SYNPO2: variants seen among roughly 807,000 people sequenced by gnomAD.
SYNPO2 encodes the protein synaptopodin 2.
In SYNPO2, 56 loss-of-function variants were observed where a neutral mutation model predicts 85.0. The observed-to-expected ratio is 0.66, with a 90% CI of 0.53 to 0.82. The LOEUF (loss-of-function observed/expected upper bound fraction) is 0.82, where lower values mean the gene tolerates loss of function less well. Among genes scored for constraint, SYNPO2 ranks in the 40% least tolerant of loss-of-function variants. The pLI is 0.00. For synonymous variants in SYNPO2, 602 were observed against 591.1 expected (o/e 1.02, Z -0.27); for missense variants, 1,575 against 1,534.2 (o/e 1.03, Z -0.44).
intron 4 of SYNPO2, among the ~76,000 whole-genome samples, chr4:119,056,686 G>A (rs1739216329): frequency 1.3e-5 from 2 of 152,086 alleles, no homozygotes; most frequent in Admixed American, 6.5e-5. Context: ...GAAGCAAAAT[G>A]CAAATTAAAC....
intron 1 of SYNPO2, among the ~76,000 whole-genome samples, chr4:118,892,423 T>A: frequency 6.6e-6 from 1 of 152,160 alleles, no homozygotes; most frequent in East Asian, 1.9e-4. Context: ...CAAGAGATTA[T>A]AAACAGAAAC....
In SYNPO2 at chr4:118,930,751, C is replaced by CAAA. The variant is rs3051232; in HGVS notation, c.105+41627_105+41629dup. ...GGAACATAGGAAGACCCCATATCTA[C>CAAA]AAAAAAAAAAAAAAAAAAATTAGCC... On this transcript the variant is annotated intron_variant, in intron 1 of 4. Transcript: ENST00000307142. 3.9e-3 allele frequency among the ~76,000 whole-genome samples: 464 copies of CAAA among 119,978 alleles called. 4 individuals are homozygous for CAAA. The highest frequency in any genetic ancestry group is 0.01 in the East Asian group (42 of 4,166). 78.7% of individuals were successfully genotyped at this position (119,978 alleles called of 152,430 possible). A position where few individuals can be genotyped will look rare whatever the true frequency, so the allele number is the denominator to read the frequency against.
In SYNPO2 at chr4:118,953,083, C is replaced by T. The variant is rs145086336; in HGVS notation, c.105+63942C>T. 4.4e-3 allele frequency among the ~76,000 whole-genome samples: 667 copies of T among 152,272 alleles called. 5 individuals carry two copies. The highest frequency in any genetic ancestry group is 0.015 in the African/African-American group (627 of 41,556). On this transcript the variant is annotated intron_variant, in intron 1 of 4. Coordinates refer to ENST00000307142, the MANE Select transcript of SYNPO2 (RefSeq NM_133477.3). ...CAAGATTATAGTTCCCTCAATGTAA[C>T]TAACAGAAGTGACCTTGGAACTTCA...
intron 1 of SYNPO2, among the ~76,000 whole-genome samples, chr4:118,958,310 A>C (rs571795643): frequency 1.4e-3 from 213 of 152,302 alleles, no homozygotes; most frequent in African/African-American, 4.9e-3. Flanking sequence ...GCCTGAGGAA[A>C]GTGCAGATGA....
intron 4 of SYNPO2, chr4:119,036,949 G>C (rs746738309): frequency 5.7e-6 from 7 of 1,230,558 alleles, no homozygotes; most frequent in Non-Finnish European, 7.1e-6. Flanking sequence ...GAGAAAGCTA[G>C]ACTCCTACAG....
At chr4:118,931,389 C>A (rs1733929438) in intron 1 of SYNPO2, among the ~76,000 whole-genome samples, 1 of 152,070 alleles carries the variant, frequency 6.6e-6, no homozygotes, top group Admixed American at 6.6e-5. Context: ...AAACAATTCC[C>A]CAAATATCTA....
intron 1 of SYNPO2, among the ~76,000 whole-genome samples, chr4:118,957,482 C>A (rs1191330117): frequency 6.6e-6 from 1 of 152,066 alleles, no homozygotes; most frequent in African/African-American, 2.4e-5. Flanking sequence ...AGTCACGTAA[C>A]CTCTTCAGAC....
At chr4:119,053,473 T>C (rs1180857159) in intron 4 of SYNPO2, among the ~76,000 whole-genome samples, 1 of 152,250 alleles carries the variant, frequency 6.6e-6, no homozygotes, top group Non-Finnish European at 1.5e-5. Flanking sequence ...ATTTTGCTCA[T>C]TGAGCTGGTT....
rs200716056 is a variant in SYNPO2 at position 118,991,282 on chromosome 4, C to G, written c.106-32148C>G. Reference sequence around the variant, plus strand: ...CCTGCCTCAGCCTCCTGAGTAGCTGCGATTACAGGCACGCACCACCGCACC... The same window carrying G: ...CCTGCCTCAGCCTCCTGAGTAGCTGGGATTACAGGCACGCACCACCGCACC... On this transcript the variant is annotated intron_variant, in intron 1 of 4. Transcript: ENST00000307142. Among the ~76,000 whole-genome samples, 55 of 151,978 alleles carry G rather than the reference C, an allele frequency of 3.6e-4. 2 individuals carry two copies. The East Asian group carries it at 9.9e-3, about 27-fold the overall frequency.
In SYNPO2 at chr4:119,031,044, C is replaced by A. The variant is rs1738227583; in HGVS notation, c.2269C>A (p.Pro757Thr). 1 of 1,614,006 alleles carries A rather than the reference C, an allele frequency of 6.2e-7. No individual in the cohort carries two copies. Among genetic ancestry groups the A allele is most frequent in the African/African-American group, 1.3e-5 (1 of 74,892 alleles). ...CTCCTCTGCCAAACAAAAGACCCCTCCTCCTGTTGCTCCAAAACCTGCAGT... is the reference window on the plus strand; with the variant it reads ...CTCCTCTGCCAAACAAAAGACCCCTACTCCTGTTGCTCCAAAACCTGCAGT... ...QSSSAKQKTP[P>T]PVAPKPAVKS... Residue 757 changes from proline (P) to threonine (T), a missense_variant, in exon 4 of 5, where the codon CCT becomes ACT. Coordinates refer to ENST00000307142, the MANE Select transcript of SYNPO2 (RefSeq NM_133477.3).
chr4:119,027,423 C>T lies in SYNPO2; in HGVS notation c.1054C>T (p.Arg352Ter), dbSNP rs192473578. The change falls in exon 3 of 5, where the codon CGA becomes TGA. Residue 352 changes from arginine (R) to a stop codon, truncating the protein, a stop_gained. Transcript: ENST00000307142. LOFTEE classifies it high-confidence loss of function. ...EKDHSRPHKH[R>*]ARHARLRRSE... ...AGATCACAGCAGACCTCACAAGCACCGAGCGCGGCATGCACGTAAGTTCTG... is the reference window on the plus strand; with the variant it reads ...AGATCACAGCAGACCTCACAAGCACTGAGCGCGGCATGCACGTAAGTTCTG... 1.9e-6 allele frequency: 3 copies of T among 1,597,160 alleles called. No homozygotes were observed. The highest frequency in any genetic ancestry group is 2.3e-5 in the East Asian group (1 of 44,428).
intron 1 of SYNPO2, among the ~76,000 whole-genome samples, chr4:119,002,396 G>A (rs1736852997): frequency 6.6e-6 from 1 of 152,086 alleles, no homozygotes; most frequent in South Asian, 2.1e-4. Context: ...AAGTAGTTGG[G>A]ACTACAGGTG....
chr4:119,012,375 C>CT (rs10651853), intron 1 of SYNPO2, among the ~76,000 whole-genome samples: 23,620 of 109,854 alleles, frequency 0.22, 2,004 homozygotes, highest in East Asian at 0.36. Flanking sequence ...TCCCCCTTTT[C>CT]TTTTTTTTTT....
intron 4 of SYNPO2, among the ~76,000 whole-genome samples, chr4:119,048,230 A>C (rs1738929495): frequency 6.6e-6 from 1 of 152,142 alleles, no homozygotes; most frequent in African/African-American, 2.4e-5. Context: ...GGTGGTGGGG[A>C]TAGTTCTGTT....
intron 1 of SYNPO2, among the ~76,000 whole-genome samples, chr4:118,982,344 G>A (rs990581374): frequency 3.9e-5 from 6 of 152,176 alleles, no homozygotes; most frequent in Non-Finnish European, 8.8e-5. Flanking sequence ...ACAAAATCAT[G>A]AGTATGTTTG....
intron 4 of SYNPO2, among the ~76,000 whole-genome samples, chr4:119,039,071 C>A (rs1188099500): frequency 5.9e-5 from 9 of 152,126 alleles, no homozygotes; most frequent in Non-Finnish European, 1.2e-4. Flanking sequence ...GCTTTATTGA[C>A]TTAATTTAAA....
Position 119,031,547 on chromosome 4 carries a change from C to T in SYNPO2, c.2772C>T (p.Ala924=), listed in dbSNP as rs375464411. The T allele has an allele frequency of 1.5e-5, 25 of 1,614,026 alleles. No individual in the cohort carries two copies. The highest frequency in any genetic ancestry group is 2.1e-5 in the Non-Finnish European group (25 of 1,180,034). Reference sequence around the variant, plus strand: ...ATGTCCGAGCACCTCCTCCTGTGGCCTATAATCCTATCCACTCGCCGTCTT... The same window carrying T: ...ATGTCCGAGCACCTCCTCCTGTGGCTTATAATCCTATCCACTCGCCGTCTT... ...SSNVRAPPPV[A]YNPIHSPSYP... is the part of the protein sequence containing the mutation. Residue 924 remains alanine, a synonymous_variant, in exon 4 of 5, where the codon GCC becomes GCT. Transcript: ENST00000307142.
intron 1 of SYNPO2, among the ~76,000 whole-genome samples, chr4:118,944,950 C>T (rs928789204): frequency 6.6e-6 from 1 of 152,156 alleles, no homozygotes; most frequent in African/African-American, 2.4e-5. Context: ...GACATCCTAC[C>T]TTACCACTGA....
At chr4:118,986,546 T>A (rs554788585) in intron 1 of SYNPO2, among the ~76,000 whole-genome samples, 1 of 152,156 alleles carries the variant, frequency 6.6e-6, no homozygotes, top group Non-Finnish European at 1.5e-5. Flanking sequence ...ATACCAAAGG[T>A]ATCTATGAGA....
Sources: allele counts gnomAD v4.1 joint callset (sites outside exome capture counted in the v4.1 genomes callset), GRCh38; gene constraint gnomAD v4.1.1; transcripts MANE v1.5; gene names NCBI Gene and HGNC (gene_info 2026-07-23, HGNC 2026-07-21).